NOMO3: variants seen among roughly 807,000 people sequenced by gnomAD.
NOMO3 encodes the protein NODAL modulator 3, also known as BOS complex subunit NOMO3.
NOMO3 carries 15 observed loss-of-function variants against 69.9 expected under a neutral mutation model. The ratio of observed to expected loss-of-function variants is 0.21; its 90% CI spans 0.14 to 0.33. The LOEUF is 0.33. Ranked by LOEUF, NOMO3 falls within the 10% of genes least tolerant of loss-of-function variation. The pLI is 1.00. For missense variants in NOMO3, 218 were observed against 761.0 expected, an observed-to-expected ratio of 0.29 and a Z score of 8.39; for synonymous variants, 89 against 301.9, an observed-to-expected ratio of 0.29 and a Z score of 7.31.
chr16:16,232,654 G>C lies in NOMO3; in HGVS notation c.-13G>C, dbSNP rs1295672036. The stretch of plus-strand genomic sequence containing the variant: ...GGCTGCCGGCGGTGGGTCTAGCTGG[G>C]GGAGGTCGGGCCATGCTGGTGGGCC... On this transcript the variant is annotated 5_prime_UTR_variant, in exon 1 of 31. Coordinates refer to ENST00000399336, the MANE Select transcript of NOMO3 (RefSeq NM_001004067.4). 8 of 650,900 alleles carry C rather than the reference G, an allele frequency of 1.2e-5. No individual in the cohort carries two copies. The highest frequency in any genetic ancestry group is 2.0e-5 in the African/African-American group (1 of 49,380). The allele number at this position is 650,900 out of a possible 1,614,324, so 40.3% of individuals were successfully genotyped here. A position where few individuals can be genotyped will look rare whatever the true frequency, so the allele number is the denominator to read the frequency against.
At chr16:16,251,866 G>A in intron 7 of NOMO3, 97 bp from the exon 8 acceptor site, 8 of 1,196,474 alleles carry the variant, frequency 6.7e-6, no homozygotes, top group Non-Finnish European at 7.9e-6. Context: ...ATATTGACAT[G>A]AAACTTAAAA....
chr16:16,255,784 G>T lies in NOMO3; in HGVS notation c.1028G>T (p.Gly343Val). ...GTCTTGAACGGACCCGAAGGAGATG[G>T]TGTTCCAGAAGCAGTAGTCACCCTG... ...GRVLNGPEGD[G>V]VPEAVVTLNN... The change falls in exon 10 of 31, where the codon GGT (glycine) becomes GTT (valine). Residue 343 changes from glycine to valine, a missense_variant. Gly to Val is a moderately radical substitution (Grantham distance 109). Coordinates refer to ENST00000399336, the MANE Select transcript of NOMO3 (RefSeq NM_001004067.4). The T allele has an allele frequency of 6.4e-7, 1 of 1,573,766 alleles. No individual in the cohort carries two copies. Among genetic ancestry groups the T allele is most frequent in the East Asian group, 2.5e-5 (1 of 39,734 alleles).
chr16:16,235,741 C>T (rs2049320682), intron 1 of NOMO3: 1 of 425,142 alleles, frequency 2.4e-6, no homozygotes, highest in Admixed American at 2.5e-5. Flanking sequence ...CTCCTGGGCT[C>T]AAGTGATCCT....
intron 16 of NOMO3, among the ~76,000 whole-genome samples, chr16:16,268,492 G>C (rs2049637331): frequency 6.9e-6 from 1 of 144,014 alleles, no homozygotes; most frequent in Admixed American, 6.7e-5. Context: ...GAATAATTCA[G>C]TGGCTCCTCC....
At chr16:16,264,897 A>C in intron 14 of NOMO3, 146 bp from the exon 15 acceptor site, 1 of 562,068 alleles carries the variant, frequency 1.8e-6, no homozygotes, top group Non-Finnish European at 3.0e-6. Flanking sequence ...AGTTATAAAT[A>C]TATGTATGTG....
rs908405272 is a variant in NOMO3, at chr16:16,236,773, C to T, written c.166-128C>T. The T allele has an allele frequency of 1.3e-4, 100 of 766,260 alleles. 4 individuals are homozygous for T. The highest frequency in any genetic ancestry group is 1.7e-4 in the Non-Finnish European group (81 of 486,380). The allele number at this position is 766,260 out of a possible 1,614,324, so 47.5% of individuals were successfully genotyped here. A position where few individuals can be genotyped will look rare whatever the true frequency, so the allele number is the denominator to read the frequency against. ...TTTCCCTCTGTCCCCAGTAATGCCC[C>T]GTGTTAAAAGCTGGCATATAATAGG... On this transcript the variant is annotated intron_variant, in intron 1 of 30. Transcript: ENST00000399336.
Position 16,240,208 on chromosome 16 carries a change from G to A in NOMO3, c.301+312G>A, listed in dbSNP as rs1431216328. Among the ~76,000 whole-genome samples, 49 of 144,578 alleles carry A rather than the reference G, an allele frequency of 3.4e-4. 10 individuals are homozygous for A. Among genetic ancestry groups the A allele is most frequent in the African/African-American group, 1.3e-3 (47 of 36,090 alleles). The allele number at this position is 144,578 out of a possible 152,430, so 94.8% of individuals were successfully genotyped here. A position where few individuals can be genotyped will look rare whatever the true frequency, so the allele number is the denominator to read the frequency against. Reference sequence around the variant, plus strand: ...TATAGAAATCAAGAGTGGGGACTTGGTTCCCATCCCAGGATGGCTTCTTTT... The same window carrying A: ...TATAGAAATCAAGAGTGGGGACTTGATTCCCATCCCAGGATGGCTTCTTTT... On this transcript the variant is annotated intron_variant, in intron 3 of 30. Transcript: ENST00000399336.
In NOMO3 at chr16:16,259,384, C is replaced by T. The variant is rs142590922; in HGVS notation, c.1221-2118C>T. Among the ~76,000 whole-genome samples the T allele has an allele frequency of 1.4e-4, 20 of 142,480 alleles. 3 individuals carry two copies. The East Asian group carries it at 2.3e-3, about 16-fold the overall frequency. The allele number at this position is 142,480 out of a possible 152,430, so 93.5% of individuals were successfully genotyped here. On this transcript the variant is annotated intron_variant, in intron 11 of 30. Coordinates refer to ENST00000399336, the MANE Select transcript of NOMO3 (RefSeq NM_001004067.4). Reference sequence around the variant, plus strand: ...TTTTTGTTGAGCCAGGGTCTTACTCCGTTGCCCAGGCTGGAGTACGGTGGC... The same window carrying T: ...TTTTTGTTGAGCCAGGGTCTTACTCTGTTGCCCAGGCTGGAGTACGGTGGC...
Position 16,267,676 on chromosome 16 carries a change from C to T in NOMO3, c.1894+545C>T, listed in dbSNP as rs1321391202. ...CTCAAACTCCTGACCTAAAGTGATCCGCCCGCCTCAGCCTCCCAAAGTGCT... is the reference window on the plus strand; with the variant it reads ...CTCAAACTCCTGACCTAAAGTGATCTGCCCGCCTCAGCCTCCCAAAGTGCT... On this transcript the variant is annotated intron_variant, in intron 16 of 30. Transcript: ENST00000399336. Among the ~76,000 whole-genome samples, 17 of 141,904 alleles carry T rather than the reference C, an allele frequency of 1.2e-4. 2 individuals are homozygous for T. Among genetic ancestry groups the T allele is most frequent in the Admixed American group, 6.2e-4 (9 of 14,618 alleles). The allele number at this position is 141,904 out of a possible 152,430, so 93.1% of individuals were successfully genotyped here. A position where few individuals can be genotyped will look rare whatever the true frequency, so the allele number is the denominator to read the frequency against.
chr16:16,264,800 G>A (rs2856561), intron 14 of NOMO3, among the ~76,000 whole-genome samples: 6,227 of 134,856 alleles, frequency 0.046, 654 homozygotes, highest in Non-Finnish European at 0.067. Context: ...CACTGCCGTC[G>A]GCCTCCCAGA....
Position 16,274,015 on chromosome 16 carries a change from A to C in NOMO3, c.2296A>C (p.Thr766Pro), listed in dbSNP as rs1218326783. 1.4e-6 allele frequency: 2 copies of C among 1,473,580 alleles called. No homozygotes were observed. The highest frequency in any genetic ancestry group is 5.0e-4 in the Middle Eastern group (2 of 4,040). The allele number at this position is 1,473,580 out of a possible 1,614,324, so 91.3% of individuals were successfully genotyped here. Residue 766 changes from threonine (T) to proline (P), a missense_variant, in exon 20 of 31, where the codon ACA becomes CCA. Physicochemically the swap from Thr to Pro is conservative, Grantham distance 38. Transcript: ENST00000399336. ...WARSGEKITVTPSSKELLFYP... is the reference protein window; with the variant it reads ...WARSGEKITVPPSSKELLFYP... The stretch of plus-strand genomic sequence containing the variant: ...TAGGTCTGGAGAGAAAATCACTGTT[A>C]CACCGTCATCTAAAGAGCTGCTCTT...
chr16:16,243,793 G>A (rs2049393542), intron 4 of NOMO3, among the ~76,000 whole-genome samples: 1 of 141,846 alleles, frequency 7.0e-6, no homozygotes, highest in South Asian at 2.3e-4. Context: ...CCATAGTGCT[G>A]GGATTACAGG....
intron 14 of NOMO3, 47 bp from the exon 15 acceptor site, chr16:16,264,996 G>A: frequency 7.6e-7 from 1 of 1,312,396 alleles, no homozygotes; most frequent in Non-Finnish European, 1.0e-6. Context: ...GCAGGGAGGT[G>A]GTGTGCTCCA....
chr16:16,261,374 C>T, intron 11 of NOMO3, 128 bp from the exon 12 acceptor site: 2 of 1,421,780 alleles, frequency 1.4e-6, no homozygotes, highest in Non-Finnish European at 1.9e-6. Context: ...TGCATTCTGT[C>T]TCTTCATTAA....
chr16:16,267,545 C>T (rs1029341069), intron 16 of NOMO3, among the ~76,000 whole-genome samples: 4 of 142,992 alleles, frequency 2.8e-5, no homozygotes, highest in Admixed American at 2.7e-4. Context: ...GGCGATTCCC[C>T]TGCCTCAGCC....
At chr16:16,242,225 G>GTT (rs2049379688) in intron 3 of NOMO3, among the ~76,000 whole-genome samples, 1 of 117,670 alleles carries the variant, frequency 8.5e-6, no homozygotes, top group African/African-American at 4.1e-5. Flanking sequence ...GTGTGTGTGT[G>GTT]TGTGCATGTA....
chr16:16,237,274 G>A (rs1479661031), intron 2 of NOMO3, among the ~76,000 whole-genome samples: 12 of 144,458 alleles, frequency 8.3e-5, no homozygotes, highest in South Asian at 2.2e-4. Context: ...GTGGCCAGGC[G>A]TGGAGCTAAA....
In NOMO3 at chr16:16,243,144, C is replaced by T. The variant is rs2049387183; in HGVS notation, c.302-17C>T. The T allele has an allele frequency of 1.9e-6, 2 of 1,046,718 alleles. No homozygotes were observed. The highest frequency in any genetic ancestry group is 1.3e-6 in the Non-Finnish European group (1 of 764,700). The allele number at this position is 1,046,718 out of a possible 1,614,324, so 64.8% of individuals were successfully genotyped here. On this transcript the variant is annotated splice_polypyrimidine_tract_variant and intron_variant, in intron 3 of 30. Transcript: ENST00000399336. ...TGTGTCTTGTGCCCCGGTTTCCTCC[C>T]CTGCTTCGTTCCTCAGAGCCGACGA...
In NOMO3 at chr16:16,232,566, G is replaced by A; in HGVS notation, c.-101G>A. On this transcript the variant is annotated 5_prime_UTR_variant, in exon 1 of 31. Coordinates refer to ENST00000399336, the MANE Select transcript of NOMO3 (RefSeq NM_001004067.4). The stretch of plus-strand genomic sequence containing the variant: ...TGGCGGCGGCGGTGGGGCGGGGCCT[G>A]GGCTGTCAGCCGGCCTAGGAGGAGG... The A allele has an allele frequency of 1.7e-6, 2 of 1,173,378 alleles. No individual in the cohort carries two copies. Among genetic ancestry groups the A allele is most frequent in the South Asian group, 6.4e-5 (2 of 31,398 alleles). The allele number at this position is 1,173,378 out of a possible 1,614,324, so 72.7% of individuals were successfully genotyped here.
Sources: allele counts gnomAD v4.1 joint callset (sites outside exome capture counted in the v4.1 genomes callset), GRCh38; gene constraint gnomAD v4.1.1; transcripts MANE v1.5; gene names NCBI Gene and HGNC (gene_info 2026-07-23, HGNC 2026-07-21).